PLXNA4: variants seen among roughly 807,000 people sequenced by gnomAD.
PLXNA4 encodes the protein plexin A4, also known as plexin-A4.
In PLXNA4, 44 loss-of-function variants were observed where a neutral mutation model predicts 191.8. The ratio of observed to expected loss-of-function variants is 0.23; its 90% CI spans 0.18 to 0.29. The LOEUF is 0.29. PLXNA4 is among the 10% of genes least tolerant of loss of function. The probability of loss-of-function intolerance (pLI) is 1.00; values close to 1 mark genes in which losing one functional copy is unlikely to be tolerated. For synonymous variants in PLXNA4, 1,082 were observed against 1,009.5 expected, an observed-to-expected ratio of 1.07 and a Z score of -1.36; for missense variants, 1,800 against 2,488.8, an observed-to-expected ratio of 0.72 and a Z score of 5.89.
chr7:132,605,882 G>A (rs1802915390), intron 2 of PLXNA4, among the ~76,000 whole-genome samples: 1 of 152,160 alleles, frequency 6.6e-6, no homozygotes, highest in South Asian at 2.1e-4. Context: ...GCAGATGCAG[G>A]TCAAGAAACA....
intron 4 of PLXNA4, among the ~76,000 whole-genome samples, chr7:132,287,202 CT>C (rs1800715283): frequency 6.6e-6 from 1 of 152,110 alleles, no homozygotes; most frequent in Non-Finnish European, 1.5e-5. Flanking sequence ...GCCTGGCTAA[CT>C]TTTTGTATTT....
At chr7:132,491,012 C>T (rs899044753) in intron 2 of PLXNA4, among the ~76,000 whole-genome samples, 1 of 152,088 alleles carries the variant, frequency 6.6e-6, no homozygotes, top group African/African-American at 2.4e-5. Flanking sequence ...CTCGGCACTC[C>T]CCACAAGCAG....
At chr7:132,357,289 G>C (rs1004841785) in intron 3 of PLXNA4, among the ~76,000 whole-genome samples, 4 of 152,190 alleles carry the variant, frequency 2.6e-5, no homozygotes, top group African/African-American at 9.7e-5. Flanking sequence ...GTGGAACACT[G>C]AGTGCCAAGC....
At chr7:132,198,021 CAGCAGACTTTCAAAGAGAAA>C (rs1325232860) in intron 13 of PLXNA4, among the ~76,000 whole-genome samples, 1 of 152,086 alleles carries the variant, frequency 6.6e-6, no homozygotes, top group Non-Finnish European at 1.5e-5. Context: ...TTCAGTGGGC[CAGCAGACTTTCAAAGAGAAA>C]AATAATCTAA....
Position 132,252,167 on chromosome 7 carries a change from C to T in PLXNA4, c.1504-11001G>A, listed in dbSNP as rs571680813. Among the ~76,000 whole-genome samples the T allele has an allele frequency of 3.3e-5, 5 of 152,186 alleles. No individual in the cohort carries two copies. The South Asian group carries it at 1.0e-3, about 32-fold the overall frequency. On this transcript the variant is annotated intron_variant, in intron 4 of 31. Transcript: ENST00000321063. ...TGCTGCTGGGGAAAGACAAAGAGGG[C>T]CCTCTGGTGTCTGGGTCATCCTGGA...
intron 12 of PLXNA4, among the ~76,000 whole-genome samples, chr7:132,202,393 C>T (rs897915585): frequency 2.0e-5 from 3 of 152,188 alleles, no homozygotes; most frequent in African/African-American, 7.2e-5. Context: ...GACACAGCTC[C>T]TCAGAGACTC....
chr7:132,373,777 A>T (rs139719515), intron 3 of PLXNA4, among the ~76,000 whole-genome samples: 6 of 152,346 alleles, frequency 3.9e-5, no homozygotes, highest in Admixed American at 6.5e-5. Context: ...TGACAACAAA[A>T]GAGAGAAATC....
intron 4 of PLXNA4, among the ~76,000 whole-genome samples, chr7:132,277,022 A>C (rs1347166419): frequency 6.6e-6 from 1 of 152,226 alleles, no homozygotes; most frequent in African/African-American, 2.4e-5. Context: ...TGATTTTTAA[A>C]GAATTTTTTC....
In PLXNA4 at chr7:132,491,836, G is replaced by C. The variant is rs757147590; in HGVS notation, c.1189-2362C>G. Among the ~76,000 whole-genome samples, 5 of 152,114 alleles carry C rather than the reference G, an allele frequency of 3.3e-5. No homozygotes were observed. In the East Asian group the frequency reaches 5.8e-4, roughly 18 times the overall value. On this transcript the variant is annotated intron_variant, in intron 2 of 31. Coordinates refer to ENST00000321063, the MANE Select transcript of PLXNA4 (RefSeq NM_020911.2). ...TCTTTACCATTTTTCCCTAAATAAGGAGATGGGGAAGGAGACAGGAGGCAG... is the reference window on the plus strand; with the variant it reads ...TCTTTACCATTTTTCCCTAAATAAGCAGATGGGGAAGGAGACAGGAGGCAG...
At position 132,198,496 on chromosome 7, in the gene PLXNA4, G is replaced by T. The variant is rs778242782; in HGVS notation, c.2727C>A (p.Ile909=). The stretch of plus-strand genomic sequence containing the variant: ...GCAGCTTCACTTACTGTTCTGCAGG[G>T]ATGTAACCATCCACTAAAGGGCTGC... ...VECSPLVDGY[I]PAEQIVCEMG... is the part of the protein sequence containing the mutation. Residue 909 remains isoleucine (I), a synonymous_variant, in exon 13 of 32, where the codon ATC becomes ATA. Coordinates refer to ENST00000321063, the MANE Select transcript of PLXNA4 (RefSeq NM_020911.2). 1.2e-6 allele frequency: 2 copies of T among 1,614,094 alleles called. No individual in the cohort carries two copies. The highest frequency in any genetic ancestry group is 1.7e-6 in the Non-Finnish European group (2 of 1,180,006).
intron 2 of PLXNA4, among the ~76,000 whole-genome samples, chr7:132,493,632 T>A (rs1797888975): frequency 6.6e-6 from 1 of 152,090 alleles, no homozygotes; most frequent in African/African-American, 2.4e-5. Flanking sequence ...TTATGCATCT[T>A]TGTACCCCTA....
At chr7:132,278,755 A>C (rs1216793218) in intron 4 of PLXNA4, among the ~76,000 whole-genome samples, 1 of 152,218 alleles carries the variant, frequency 6.6e-6, no homozygotes, top group Non-Finnish European at 1.5e-5. Context: ...CCTTCGGTGC[A>C]CACAGTGAAT....
intron 5 of PLXNA4, 58 bp from the exon 6 acceptor site, chr7:132,228,527 C>A: frequency 6.2e-7 from 1 of 1,601,816 alleles, no homozygotes; most frequent in Non-Finnish European, 8.5e-7. Flanking sequence ...CAGGGAGGGG[C>A]GGATGCTGAG....
chr7:132,491,220 C>T (rs1322410557), intron 2 of PLXNA4, among the ~76,000 whole-genome samples: 1 of 152,172 alleles, frequency 6.6e-6, no homozygotes, highest in Non-Finnish European at 1.5e-5. Flanking sequence ...TTGGACTTTG[C>T]AGAGAAAGGG....
chr7:132,308,855 C>A (rs1424267362), intron 3 of PLXNA4, among the ~76,000 whole-genome samples: 1 of 152,076 alleles, frequency 6.6e-6, no homozygotes, highest in Non-Finnish European at 1.5e-5. Flanking sequence ...GATTTTCATC[C>A]AAGCCCACTG....
rs150229880 is a variant in PLXNA4 at position 132,297,382 on chromosome 7, G to A, written c.1503+709C>T. On this transcript the variant is annotated intron_variant, in intron 4 of 31. Coordinates refer to ENST00000321063, the MANE Select transcript of PLXNA4 (RefSeq NM_020911.2). ...ACCCTTAAATACATGGATGTCCAAG[G>A]TGAAACCCCTTCCTTTGCCTGCTGC... Among the ~76,000 whole-genome samples the A allele has an allele frequency of 1.1e-3, 162 of 152,282 alleles. 1 individual carries two copies. The highest frequency in any genetic ancestry group is 3.7e-3 in the African/African-American group (153 of 41,552).
chr7:132,564,430 C>G (rs1287878981), intron 1 of PLXNA4, among the ~76,000 whole-genome samples: 1 of 151,850 alleles, frequency 6.6e-6, no homozygotes, highest in East Asian at 1.9e-4. Flanking sequence ...TCCAGGAGCC[C>G]TTCTTCATGT....
chr7:132,225,062 A>G (rs921164237), intron 8 of PLXNA4, among the ~76,000 whole-genome samples: 2 of 152,122 alleles, frequency 1.3e-5, no homozygotes, highest in Non-Finnish European at 2.9e-5. Flanking sequence ...AGGCCCCCCA[A>G]CCTTTAATCA....
chr7:132,341,671 C>T lies in PLXNA4; in HGVS notation c.1372-43449G>A, dbSNP rs540221455. Reference sequence around the variant, plus strand: ...TTTGGCCCCAGCCCCCCTAGCCTGCCTGGGCTGGTCCTCACATTCCATTTC... The same window carrying T: ...TTTGGCCCCAGCCCCCCTAGCCTGCTTGGGCTGGTCCTCACATTCCATTTC... On this transcript the variant is annotated intron_variant, in intron 3 of 31. Transcript: ENST00000321063. Among the ~76,000 whole-genome samples, 194 of 152,284 alleles carry T rather than the reference C, an allele frequency of 1.3e-3. 2 individuals carry two copies. The highest frequency in any genetic ancestry group is 3.4e-3 in the Middle Eastern group (1 of 294).
Sources: allele counts gnomAD v4.1 joint callset (sites outside exome capture counted in the v4.1 genomes callset), GRCh38; gene constraint gnomAD v4.1.1; transcripts MANE v1.5; gene names NCBI Gene and HGNC (gene_info 2026-07-23, HGNC 2026-07-21).